The following ROS1 variants were observed in gnomAD, a reference collection of about 807,000 sequenced individuals.
ROS1 encodes proto-oncogene tyrosine-protein kinase ROS.
A neutral mutation model predicts 273.5 loss-of-function variants in ROS1; 263 were observed. The ratio of observed to expected loss-of-function variants is 0.96; its 90% CI spans 0.87 to 1.06. ROS1 has a LOEUF of 1.06. Ranked by LOEUF, ROS1 falls within the 50% of genes least tolerant of loss-of-function variation. ROS1 has a pLI of 0.00. For synonymous variants in ROS1, 1,008 were observed against 954.1 expected, an observed-to-expected ratio of 1.06 and a Z score of -1.04; for missense variants, 2,833 against 2,751.1, an observed-to-expected ratio of 1.03 and a Z score of -0.67.
chr6:117,365,150 G>C lies in ROS1; in HGVS notation c.3013C>G (p.Pro1005Ala), dbSNP rs200278757. ...LPVFTVEGLE[P>A]YALFNLSVTP... ...ACAGAAAGATTAAATAAGGCATAAG[G>C]TTCCAGTCCTTCCACAGTAAATACA... The change falls in exon 21 of 44, where the codon CCT (proline) becomes GCT (alanine). Residue 1005 changes from proline (P) to alanine (A), a missense_variant. Transcript: ENST00000368507. 9 of 1,613,002 alleles carry C rather than the reference G, an allele frequency of 5.6e-6. 1 individual carries two copies. Among genetic ancestry groups the C allele is most frequent in the Non-Finnish European group, 7.6e-6 (9 of 1,179,194 alleles).
chr6:117,318,219 T>C lies in ROS1; in HGVS notation c.5956A>G (p.Ile1986Val), dbSNP rs906320421. The change falls in exon 38 of 44, where the codon ATT (isoleucine) becomes GTT (valine). Residue 1986 changes from isoleucine to valine, a missense_variant. Transcript: ENST00000368507. ...AGATGTGCCTCCTTCAGGAATTCAA[T>C]CTTCTCCTGGTCTGTGGAACCCTTC... ...LKKGSTDQEK[I>V]EFLKEAHLMS... 14 of 1,612,992 alleles carry C rather than the reference T, an allele frequency of 8.7e-6. No individual in the cohort carries two copies. Among genetic ancestry groups the C allele is most frequent in the Non-Finnish European group, 1.2e-5 (14 of 1,179,318 alleles).
intron 32 of ROS1, 142 bp downstream of exon 32, chr6:117,337,030 G>A (rs17079053): frequency 1.4e-6 from 1 of 703,296 alleles, no homozygotes; most frequent in Non-Finnish European, 2.3e-6. Context: ...TATATTTTCT[G>A]AATTTCTTCA....
At chr6:117,345,139 G>C (rs1156765432) in intron 27 of ROS1, among the ~76,000 whole-genome samples, 1 of 152,120 alleles carries the variant, frequency 6.6e-6, no homozygotes, top group South Asian at 2.1e-4. Flanking sequence ...GCTCCTGCCC[G>C]CATATCCAGT....
rs145318764 is a variant in ROS1, at chr6:117,320,006, A to G, written c.5784T>C (p.Ile1928=). The G allele has an allele frequency of 1.9e-6, 3 of 1,613,132 alleles. No homozygotes were observed. The highest frequency in any genetic ancestry group is 1.3e-5 in the African/African-American group (1 of 74,842). The change falls in exon 37 of 44, where the codon ATT becomes ATC. Residue 1928 remains isoleucine, a synonymous_variant. Coordinates refer to ENST00000368507, the MANE Select transcript of ROS1 (RefSeq NM_001378902.1). ...CCCGAGGGAAGGCAGGAAGATTTTC[A>G]ATCTCCTCTTGGGTTGGAAGAGTAC... is the stretch of plus-strand genomic sequence containing the variant. The part of the protein sequence containing the change: ...AIHTLPTQEE[I]ENLPAFPREK...
intron 35 of ROS1, among the ~76,000 whole-genome samples, chr6:117,322,242 A>G (rs888684275): frequency 4.6e-5 from 7 of 152,112 alleles, no homozygotes; most frequent in African/African-American, 7.2e-5. Flanking sequence ...ACCTTTTGCT[A>G]AATTAATTTT....
chr6:117,351,716 C>T (rs1231351516), intron 27 of ROS1, among the ~76,000 whole-genome samples: 1 of 152,196 alleles, frequency 6.6e-6, no homozygotes, highest in Admixed American at 6.5e-5. Context: ...TGTGACCTCA[C>T]TTCTCTTGTG....
At chr6:117,365,019 T>C (rs1376541919) in intron 21 of ROS1, 41 bp downstream of exon 21, 16 of 1,585,940 alleles carry the variant, frequency 1.0e-5, no homozygotes, top group Non-Finnish European at 1.4e-5. Flanking sequence ...AAAGTGAGAT[T>C]CTGCTTTTTT....
In ROS1 at chr6:117,358,026, G is replaced by A. The variant is rs977305633; in HGVS notation, c.3634-17C>T. ...TTGGAAAAGCTTAACAACAGGTAGAGAACACAGCCAAGAAGAGAGTGGTTA... is the reference window on the plus strand; with the variant it reads ...TTGGAAAAGCTTAACAACAGGTAGAAAACACAGCCAAGAAGAGAGTGGTTA... On this transcript the variant is annotated splice_polypyrimidine_tract_variant and intron_variant, in intron 24 of 43. Coordinates refer to ENST00000368507, the MANE Select transcript of ROS1 (RefSeq NM_001378902.1). The A allele has an allele frequency of 5.1e-6, 8 of 1,555,038 alleles. No homozygotes were observed. The African/African-American group carries it at 9.5e-5, about 19-fold the overall frequency.
intron 27 of ROS1, among the ~76,000 whole-genome samples, chr6:117,351,662 G>A (rs1778878850): frequency 6.6e-6 from 1 of 152,094 alleles, no homozygotes; most frequent in South Asian, 2.1e-4. Flanking sequence ...GTAATTCTCT[G>A]TATTTACCAA....
At chr6:117,382,344 T>C (rs958483109) in intron 17 of ROS1, among the ~76,000 whole-genome samples, 5 of 152,116 alleles carry the variant, frequency 3.3e-5, no homozygotes, top group Admixed American at 3.3e-4. Flanking sequence ...TATATGTTAT[T>C]GGAATTGGAG....
intron 21 of ROS1, 26 bp downstream of exon 21, chr6:117,365,034 A>C (rs764397752): frequency 5.0e-6 from 8 of 1,602,816 alleles, no homozygotes; most frequent in Non-Finnish European, 6.8e-6. Flanking sequence ...TTTTTTAAGA[A>C]AAAAGACAGA....
intron 39 of ROS1, among the ~76,000 whole-genome samples, chr6:117,312,568 T>C (rs1364197494): frequency 1.3e-5 from 2 of 152,104 alleles, no homozygotes; most frequent in African/African-American, 4.8e-5. Flanking sequence ...CAAAACCTAC[T>C]CTACCTGTGA....
chr6:117,356,838 C>T lies in ROS1; in HGVS notation c.3917G>A (p.Arg1306Gln), dbSNP rs62430836. ...GTTTGTAGCTGTGGGTTGCAGAATT[C>T]GGTGCAAGGTGTGACTGATAATACT... ...YYSIISHTLH[R>Q]ILQPTATNQQ... Residue 1306 changes from arginine (R) to glutamine (Q), a missense_variant, in exon 26 of 44, where the codon CGA (arginine) becomes CAA (glutamine). Physicochemically the swap from Arg to Gln is conservative, Grantham distance 43 (BLOSUM62 1). Transcript: ENST00000368507. 148 of 1,613,798 alleles carry T rather than the reference C, an allele frequency of 9.2e-5. No homozygotes were observed. Among genetic ancestry groups the T allele is most frequent in the Non-Finnish European group, 1.1e-4 (134 of 1,179,966 alleles).
rs900176792 is a variant in ROS1 at position 117,397,721 on chromosome 6, G to A, written c.605-605C>T. 3.2e-4 allele frequency among the ~76,000 whole-genome samples: 48 copies of A among 152,214 alleles called. 1 individual carries two copies. The highest frequency in any genetic ancestry group is 9.2e-4 in the Admixed American group (14 of 15,280). ...GCTTCAGCACCCCTGCCCTGGCAAAGGATTAAAGGAGCATGTATGAAACAA... is the reference window on the plus strand; with the variant it reads ...GCTTCAGCACCCCTGCCCTGGCAAAAGATTAAAGGAGCATGTATGAAACAA... On this transcript the variant is annotated intron_variant, in intron 7 of 43. Transcript: ENST00000368507.
chr6:117,344,273 A>G lies in ROS1; in HGVS notation c.4304-11T>C, dbSNP rs1778194718. ...ACAGAAACGCTTTATCTAAAATAAG[A>G]AGAAACCAAAAGATTAAATATCTAT... is the stretch of plus-strand genomic sequence containing the variant. On this transcript the variant is annotated splice_polypyrimidine_tract_variant and intron_variant, in intron 27 of 43. Transcript: ENST00000368507. 1.9e-6 allele frequency: 3 copies of G among 1,588,764 alleles called. No homozygotes were observed. In the African/African-American group the frequency reaches 4.0e-5, roughly 21 times the overall value.
At chr6:117,417,347 G>C (rs117736839) in intron 2 of ROS1, among the ~76,000 whole-genome samples, 2,553 of 152,042 alleles carry the variant, frequency 0.017, 39 homozygotes, top group South Asian at 0.059. Flanking sequence ...CCCTCTCATG[G>C]AAAACCCATC....
chr6:117,340,989 A>G (rs1237824226), intron 31 of ROS1, 146 bp downstream of exon 31: 3 of 600,732 alleles, frequency 5.0e-6, no homozygotes, highest in Non-Finnish European at 8.6e-6. Context: ...AGTCTGGATA[A>G]CTCACTGCTT....
rs200900115 is a variant in ROS1 at position 117,288,520 on chromosome 6, T to G, written c.6998A>C (p.His2333Pro). Residue 2333 changes from histidine (H) to proline (P), a missense_variant, in exon 44 of 44, where the codon CAC becomes CCC. By Grantham distance (77) the His-to-Pro change is moderately conservative. Coordinates refer to ENST00000368507, the MANE Select transcript of ROS1 (RefSeq NM_001378902.1). The stretch of plus-strand genomic sequence containing the variant: ...ATCAGACCCATCTCCATATCCACTG[T>G]GAGTGAGACAGGCATAGTTCAGGCC... Reference protein sequence around the residue: ...PEGLNYACLTHSGYGDGSD With the variant: ...PEGLNYACLTPSGYGDGSD 31 of 1,613,686 alleles carry G rather than the reference T, an allele frequency of 1.9e-5. No homozygotes were observed. Among genetic ancestry groups the G allele is most frequent in the Non-Finnish European group, 1.7e-6 (2 of 1,179,952 alleles).
At chr6:117,337,403 A>T (rs1777565106) in intron 31 of ROS1, 63 bp from the exon 32 acceptor site, 1 of 1,294,340 alleles carries the variant, frequency 7.7e-7, no homozygotes, top group African/African-American at 1.5e-5. Flanking sequence ...AAAACACAAA[A>T]ATGTATAGGC....
Sources: allele counts gnomAD v4.1 joint callset (sites outside exome capture counted in the v4.1 genomes callset), GRCh38; gene constraint gnomAD v4.1.1; transcripts MANE v1.5; gene names NCBI Gene and HGNC (gene_info 2026-07-23, HGNC 2026-07-21).